The following MDN1 variants were observed in gnomAD, a reference collection of about 807,000 sequenced individuals.
The protein encoded by MDN1 is midasin.
Under a neutral mutation model 669.2 loss-of-function variants are expected in MDN1, and 266 were observed. The observed-to-expected ratio is 0.40, with a 90% CI of 0.36 to 0.44. MDN1 has a LOEUF of 0.44. MDN1 is among the 20% of genes least tolerant of loss of function. The pLI is 1.00. For synonymous variants in MDN1, 2,385 were observed against 2,457.1 expected (o/e 0.97, Z 0.87); for missense variants, 5,940 against 6,754.0 (o/e 0.88, Z 4.22).
intron 100 of MDN1, among the ~76,000 whole-genome samples, chr6:89,645,605 T>C (rs1418873496): frequency 6.6e-6 from 1 of 152,240 alleles, no homozygotes; most frequent in Non-Finnish European, 1.5e-5. Context: ...CATATAATCA[T>C]CTTTAGATTT....
intron 26 of MDN1, among the ~76,000 whole-genome samples, chr6:89,748,002 C>T (rs1178571161): frequency 6.6e-6 from 1 of 151,302 alleles, no homozygotes; most frequent in Non-Finnish European, 1.5e-5. Context: ...TGGAATTCCA[C>T]ATTTCTTATG....
chr6:89,750,393 A>G lies in MDN1; in HGVS notation c.3367T>C (p.Tyr1123His). The G allele has an allele frequency of 6.2e-7, 1 of 1,613,648 alleles. No individual in the cohort carries two copies. Among genetic ancestry groups the G allele is most frequent in the Non-Finnish European group, 8.5e-7 (1 of 1,179,554 alleles). Residue 1123 changes from tyrosine (Y) to histidine (H), a missense_variant, in exon 24 of 102, where the codon TAC becomes CAC. By Grantham distance (83) the Tyr-to-His change is moderately conservative. This residue lies in a region of MDN1 where 2,292 missense variants were observed against 2,638.3 expected (regional missense o/e 0.87). Transcript: ENST00000369393. ...AGCTTCCCTGAGGAGTCAGACGTGT[A>G]ACAACCAATGTACTCCTGAATATCC... is the stretch of plus-strand genomic sequence containing the variant. ...HTDIQEYIGC[Y>H]TSDSSGKLVF... is the part of the protein sequence containing the mutation.
chr6:89,693,777 C>G (rs1057064007), intron 62 of MDN1, among the ~76,000 whole-genome samples: 1 of 152,162 alleles, frequency 6.6e-6, no homozygotes, highest in African/African-American at 2.4e-5. Flanking sequence ...TAGTAACACA[C>G]CTACAGCCAA....
At chr6:89,689,666 T>G (rs1054531496) in intron 65 of MDN1, among the ~76,000 whole-genome samples, 2 of 152,226 alleles carry the variant, frequency 1.3e-5, no homozygotes, top group African/African-American at 2.4e-5. Flanking sequence ...CTTGGCCCAT[T>G]TGTACACTGA....
intron 15 of MDN1, among the ~76,000 whole-genome samples, chr6:89,766,985 T>G (rs1171847383): frequency 2.6e-5 from 4 of 152,212 alleles, no homozygotes; most frequent in Non-Finnish European, 5.9e-5. Flanking sequence ...TATATCACTG[T>G]TTCTCCCTCA....
At chr6:89,772,520 A>G (rs1818138583) in intron 14 of MDN1, 53 bp downstream of exon 14, 1 of 1,577,718 alleles carries the variant, frequency 6.3e-7, no homozygotes, top group Non-Finnish European at 8.6e-7. Context: ...AAAAGGAAAA[A>G]AAGTAGTCAG....
Position 89,740,255 on chromosome 6 carries a change from C to A in MDN1, c.4572G>T (p.Gly1524=), listed in dbSNP as rs142783184. 7.6e-5 allele frequency: 122 copies of A among 1,611,682 alleles called. No individual in the cohort carries two copies. Among genetic ancestry groups the A allele is most frequent in the Admixed American group, 2.4e-4 (14 of 59,412 alleles). ...KFRILATMNP[G]GDFGKKELSP... ...TTACCTCCTTTTTTCCAAAGTCACC[C>A]CCAGGGTTCATGGTTGCTAGAATAC... The change falls in exon 32 of 102, where the codon GGG becomes GGT. Residue 1524 remains glycine (G), a synonymous_variant. Transcript: ENST00000369393.
At chr6:89,711,958 A>T in intron 49 of MDN1, 78 bp downstream of exon 49, 1 of 1,282,994 alleles carries the variant, frequency 7.8e-7, no homozygotes, top group South Asian at 1.4e-5. Context: ...GTCACAGATT[A>T]ACACAGCTGC....
At position 89,716,783 on chromosome 6, in the gene MDN1, G is replaced by A. The variant is rs139594379; in HGVS notation, c.6610C>T (p.Arg2204Ter). Reference protein sequence around the residue: ...AEFAKLVEEFRSFGVKLTQLA... With the variant: ...AEFAKLVEEF Reference sequence around the variant, plus strand: ...TGCGTAAGCTTCACACCAAAGCTTCGGAACTCTTCAACAAGTTTGGCAAAC... The same window carrying A: ...TGCGTAAGCTTCACACCAAAGCTTCAGAACTCTTCAACAAGTTTGGCAAAC... Residue 2204 changes from arginine to a stop codon, truncating the protein, a stop_gained, in exon 44 of 102, where the codon CGA (arginine) becomes TGA (stop). Transcript: ENST00000369393. LOFTEE classifies it high-confidence loss of function. The A allele has an allele frequency of 1.2e-6, 2 of 1,609,104 alleles. No individual in the cohort carries two copies. The highest frequency in any genetic ancestry group is 1.7e-5 in the Admixed American group (1 of 58,944).
chr6:89,723,164 T>C (rs45465099), intron 39 of MDN1, 21 bp from the exon 40 acceptor site: 49 of 1,608,968 alleles, frequency 3.0e-5, no homozygotes, highest in Non-Finnish European at 4.0e-5. Context: ...AACATCCTGA[T>C]TGGGAAACAT....
chr6:89,776,799 A>C (rs926424604), intron 11 of MDN1, 104 bp from the exon 12 acceptor site: 1 of 796,368 alleles, frequency 1.3e-6, no homozygotes, highest in Non-Finnish European at 1.9e-6. Flanking sequence ...AAAATCCAGC[A>C]GGAACATTTC....
chr6:89,777,405 C>G (rs1159975222), intron 11 of MDN1, among the ~76,000 whole-genome samples: 1 of 152,188 alleles, frequency 6.6e-6, no homozygotes, highest in Non-Finnish European at 1.5e-5. Context: ...TTCACTCATT[C>G]CTAGGCATAG....
chr6:89,794,221 AAGT>A lies in MDN1; in HGVS notation c.555-17_555-15del. 1 of 1,437,320 alleles carries A rather than the reference AAGT, an allele frequency of 7.0e-7. No individual in the cohort carries two copies. The highest frequency in any genetic ancestry group is 1.2e-5 in the South Asian group (1 of 80,830). The allele number at this position is 1,437,320 out of a possible 1,614,324, so 89.0% of individuals were successfully genotyped here. ...TTGGCTGTATACCTAGGGAAAAAGA[AAGT>A]ATGTAAATTCAGTTTATCTGCAGTT... On this transcript the variant is annotated splice_polypyrimidine_tract_variant and intron_variant, in intron 3 of 101. Transcript: ENST00000369393.
intron 33 of MDN1, among the ~76,000 whole-genome samples, chr6:89,734,734 C>CTGTGGCAT (rs1554188792): frequency 7.1e-6 from 1 of 141,238 alleles, no homozygotes; most frequent in African/African-American, 2.6e-5. Flanking sequence ...GATGGAGGGA[C>CTGTGGCAT]TGTGGCATGC....
intron 1 of MDN1, among the ~76,000 whole-genome samples, chr6:89,816,948 A>T (rs939630388): frequency 2.6e-5 from 4 of 151,134 alleles, no homozygotes; most frequent in Non-Finnish European, 4.4e-5. Flanking sequence ...TGCTGGGATT[A>T]CAGGCGCGTG....
chr6:89,794,559 A>T lies in MDN1; in HGVS notation c.554+18T>A. 1 of 1,610,512 alleles carries T rather than the reference A, an allele frequency of 6.2e-7. No homozygotes were observed. The highest frequency in any genetic ancestry group is 8.5e-7 in the Non-Finnish European group (1 of 1,178,264). ...CATCCCCACACTAGAAGTGCAAAAA[A>T]GTCTAACAGCTACGCACCAGCGAAC... On this transcript the variant is annotated intron_variant, in intron 3 of 101. Transcript: ENST00000369393.
In MDN1 at chr6:89,699,134, G is replaced by A; in HGVS notation, c.8998-99C>T. 5 of 1,138,812 alleles carry A rather than the reference G, an allele frequency of 4.4e-6. No individual in the cohort carries two copies. The South Asian group carries it at 6.6e-5, about 15-fold the overall frequency. 70.5% of individuals were successfully genotyped at this position (1,138,812 alleles called of 1,614,324 possible). A position where few individuals can be genotyped will look rare whatever the true frequency, so the allele number is the denominator to read the frequency against. On this transcript the variant is annotated intron_variant, in intron 58 of 101. Transcript: ENST00000369393. The stretch of plus-strand genomic sequence containing the variant: ...TAAGGCCCATCTAAAACTGTCATAA[G>A]TTTAAAGGTATTAATCCAAATTTTT...
In MDN1 at chr6:89,789,773, G is replaced by T; in HGVS notation, c.1230+7C>A. ...TAAGGGACAATGAATTTCCTGAGATGACATACCACGTCTAAGGGGGCATAG... is the reference window on the plus strand; with the variant it reads ...TAAGGGACAATGAATTTCCTGAGATTACATACCACGTCTAAGGGGGCATAG... On this transcript the variant is annotated splice_region_variant and intron_variant, in intron 7 of 101. Coordinates refer to ENST00000369393, the MANE Select transcript of MDN1 (RefSeq NM_014611.3). 1 of 1,581,222 alleles carries T rather than the reference G, an allele frequency of 6.3e-7. No individual in the cohort carries two copies. Among genetic ancestry groups the T allele is most frequent in the South Asian group, 1.2e-5 (1 of 86,564 alleles).
chr6:89,694,126 C>T lies in MDN1; in HGVS notation c.9829G>A (p.Gly3277Arg). ...TRNLSSQLQT[G>R]RDLEDEVVVS... ...ACGACTTCATCTTCCAGGTCTCTTC[C>T]AGTCTGCAGCTGGGATGACAGGTTC... The change falls in exon 62 of 102, where the codon GGA (glycine) becomes AGA (arginine). Residue 3277 changes from glycine to arginine, a missense_variant. This residue lies in a region of MDN1 where 2,292 missense variants were observed against 2,638.3 expected (regional missense o/e 0.87). Coordinates refer to ENST00000369393, the MANE Select transcript of MDN1 (RefSeq NM_014611.3). 6.2e-7 allele frequency: 1 copy of T among 1,614,182 alleles called. No individual in the cohort carries two copies. Among genetic ancestry groups the T allele is most frequent in the Non-Finnish European group, 8.5e-7 (1 of 1,180,036 alleles).
Sources: allele counts gnomAD v4.1 joint callset (sites outside exome capture counted in the v4.1 genomes callset), GRCh38; gene constraint gnomAD v4.1.1; regional missense constraint gnomAD v4.1.1; transcripts MANE v1.5; gene names NCBI Gene and HGNC (gene_info 2026-07-23, HGNC 2026-07-21).